The following WWOX variants were observed in gnomAD, a reference collection of about 807,000 sequenced individuals.
The protein encoded by WWOX is WW domain-containing oxidoreductase.
In WWOX, 69 loss-of-function variants were observed where a neutral mutation model predicts 46.2. The ratio of observed to expected loss-of-function variants is 1.49; its 90% CI spans 1.23 to 1.82. The LOEUF is 1.82. Ranked by LOEUF, WWOX falls within the 40% of genes most tolerant of loss-of-function variation. The probability of loss-of-function intolerance (pLI) is 0.00; values close to 1 mark genes in which losing one functional copy is unlikely to be tolerated. For missense variants in WWOX, 919 were observed against 542.6 expected, an observed-to-expected ratio of 1.69 and a Z score of -6.89; for synonymous variants, 359 against 202.6, an observed-to-expected ratio of 1.77 and a Z score of -6.56.
chr16:78,552,040 A>G (rs913205116), intron 8 of WWOX: 2 of 152,352 alleles, frequency 1.3e-5, no homozygotes, highest in Non-Finnish European at 2.9e-5. Flanking sequence ...TTGGCTTCTT[A>G]TAACACTTCC....
intron 8 of WWOX, among the ~76,000 whole-genome samples, chr16:78,634,861 T>TGC (rs1567452760): frequency 6.6e-6 from 1 of 151,424 alleles, no homozygotes; most frequent in Non-Finnish European, 1.5e-5. Flanking sequence ...TGTGTGTGTG[T>TGC]GTGTGTGTGT....
intron 6 of WWOX, among the ~76,000 whole-genome samples, chr16:78,424,021 A>G (rs770417404): frequency 4.7e-5 from 7 of 149,454 alleles, no homozygotes; most frequent in African/African-American, 9.9e-5. Flanking sequence ...CCCCCTTGCT[A>G]TGTTTTATTA....
chr16:79,189,421 CTT>C (rs1567606977), intron 8 of WWOX, among the ~76,000 whole-genome samples: 6 of 126,696 alleles, frequency 4.7e-5, no homozygotes, highest in Non-Finnish European at 1.6e-5. Context: ...CCACTCCCAG[CTT>C]TGTGTGTGTG....
chr16:79,210,093 C>G (rs1207595380), intron 8 of WWOX, among the ~76,000 whole-genome samples: 1 of 152,192 alleles, frequency 6.6e-6, no homozygotes, highest in South Asian at 2.1e-4. Flanking sequence ...CATCAAGCAG[C>G]CAGTTATTAT....
intron 8 of WWOX, among the ~76,000 whole-genome samples, chr16:78,809,421 G>A (rs532954385): frequency 1.3e-5 from 2 of 151,544 alleles, no homozygotes; most frequent in Non-Finnish European, 2.9e-5. Flanking sequence ...CCCTTCCCTA[G>A]TATGTATTAA....
intron 8 of WWOX, among the ~76,000 whole-genome samples, chr16:78,922,215 C>T (rs983951757): frequency 1.1e-4 from 17 of 152,154 alleles, no homozygotes; most frequent in African/African-American, 3.1e-4. Flanking sequence ...CTACCCTAAG[C>T]AATATTGTTG....
chr16:78,733,418 G>C (rs1224211831), intron 8 of WWOX, among the ~76,000 whole-genome samples: 1 of 152,022 alleles, frequency 6.6e-6, no homozygotes, highest in African/African-American at 2.4e-5. Context: ...TCATACCACT[G>C]CACTCCAGCC....
At chr16:78,735,418 C>CACACACACACA (rs1555525784) in intron 8 of WWOX, among the ~76,000 whole-genome samples, 1 of 151,550 alleles carries the variant, frequency 6.6e-6, no homozygotes, top group African/African-American at 2.4e-5. Flanking sequence ...CACACACACA[C>CACACACACACA]ACACACACTA....
intron 8 of WWOX, among the ~76,000 whole-genome samples, chr16:78,833,291 C>G (rs1296512619): frequency 1.3e-5 from 2 of 152,110 alleles, no homozygotes; most frequent in African/African-American, 4.8e-5. Context: ...AAGCAGTCCT[C>G]TCACCTCATT....
In WWOX at chr16:78,119,644, G is replaced by A. The variant is rs576467848; in HGVS notation, c.409+4490G>A. On this transcript the variant is annotated intron_variant, in intron 4 of 8. Coordinates refer to ENST00000566780, the MANE Select transcript of WWOX (RefSeq NM_016373.4). ...CATTAAATTTTTTTTTTTTTTTAATGTTTGAGATGGGGTCTCACTGTGTTG... is the reference window on the plus strand; with the variant it reads ...CATTAAATTTTTTTTTTTTTTTAATATTTGAGATGGGGTCTCACTGTGTTG... 2.0e-5 allele frequency among the ~76,000 whole-genome samples: 3 copies of A among 147,488 alleles called. No homozygotes were observed. The South Asian group carries it at 6.4e-4, about 32-fold the overall frequency.
chr16:79,187,398 C>T (rs1372169062), intron 8 of WWOX, among the ~76,000 whole-genome samples: 2 of 152,132 alleles, frequency 1.3e-5, no homozygotes, highest in African/African-American at 2.4e-5. Flanking sequence ...CTTTCACTTG[C>T]TTTTGTTCTG....
At chr16:78,860,456 C>A (rs148324802) in intron 8 of WWOX, among the ~76,000 whole-genome samples, 1 of 151,942 alleles carries the variant, frequency 6.6e-6, no homozygotes, top group Non-Finnish European at 1.5e-5. Context: ...ATTGGCTAGA[C>A]TTTGATTTAT....
intron 8 of WWOX, among the ~76,000 whole-genome samples, chr16:78,440,660 G>T (rs1005457656): frequency 6.7e-6 from 1 of 150,088 alleles, no homozygotes; most frequent in Non-Finnish European, 1.5e-5. Context: ...TCCGTTGCCC[G>T]GATTGGAGTG....
intron 8 of WWOX, among the ~76,000 whole-genome samples, chr16:78,441,880 C>T (rs528739283): frequency 1.3e-5 from 2 of 151,570 alleles, no homozygotes; most frequent in Admixed American, 6.6e-5. Flanking sequence ...ACTCAATAAC[C>T]ATTATTGCTG....
chr16:78,131,566 TAC>T (rs890137359), intron 4 of WWOX, among the ~76,000 whole-genome samples: 14 of 152,020 alleles, frequency 9.2e-5, no homozygotes, highest in Non-Finnish European at 1.5e-4. Context: ...TATTTAAAAG[TAC>T]AGGATACTAA....
chr16:79,198,358 G>T (rs1014280251), intron 8 of WWOX, among the ~76,000 whole-genome samples: 2 of 152,050 alleles, frequency 1.3e-5, no homozygotes, highest in Admixed American at 6.6e-5. Flanking sequence ...GTAAAGAAAA[G>T]AAAAGAGTAA....
chr16:78,685,293 G>C lies in WWOX; in HGVS notation c.1056+252541G>C, dbSNP rs368555440. On this transcript the variant is annotated intron_variant, in intron 8 of 8. Transcript: ENST00000566780. ...TAATGACTCAAGTGATGAGGCCTGG[G>C]GACGTCCCTTGGGAAGCTATTCTGC... Among the ~76,000 whole-genome samples, 50 of 152,194 alleles carry C rather than the reference G, an allele frequency of 3.3e-4. 1 individual carries two copies. Among genetic ancestry groups the C allele is most frequent in the African/African-American group, 1.2e-3 (48 of 41,530 alleles).
intron 8 of WWOX, among the ~76,000 whole-genome samples, chr16:79,067,637 C>T (rs12324962): frequency 0.19 from 15,706 of 80,680 alleles, 988 homozygotes; most frequent in Middle Eastern, 0.26. Flanking sequence ...GGGTGGGGGG[C>T]GGGGGGGGGC....
intron 5 of WWOX, among the ~76,000 whole-genome samples, chr16:78,361,435 G>A (rs1441323037): frequency 6.6e-6 from 1 of 152,050 alleles, no homozygotes; most frequent in Non-Finnish European, 1.5e-5. Context: ...GATGATGCTG[G>A]CAGCCCCGTT....
Sources: gnomAD v4.1 joint callset for allele counts (sites outside exome capture counted in the v4.1 genomes callset) on GRCh38, gnomAD v4.1.1 for gene constraint, MANE v1.5 for transcripts, NCBI Gene and HGNC (gene_info 2026-07-23, HGNC 2026-07-21) for gene names.